Variants in ADGRL3 observed in about 807,000 individuals in gnomAD.
ADGRL3 encodes the protein adhesion G protein-coupled receptor L3.
A neutral mutation model predicts 153.5 loss-of-function variants in ADGRL3; 62 were observed. The ratio of observed to expected loss-of-function variants is 0.40; its 90% CI spans 0.33 to 0.50. ADGRL3 has a LOEUF of 0.50. ADGRL3 is among the 20% of genes least tolerant of loss of function. The pLI is 0.47. For synonymous variants in ADGRL3, 710 were observed against 672.5 expected, an observed-to-expected ratio of 1.06 and a Z score of -0.86; for missense variants, 1,641 against 1,859.4, an observed-to-expected ratio of 0.88 and a Z score of 2.16.
At chr4:61,645,411 C>T (rs2093926492) in intron 5 of ADGRL3, among the ~76,000 whole-genome samples, 1 of 150,798 alleles carries the variant, frequency 6.6e-6, no homozygotes, top group Non-Finnish European at 1.5e-5. Context: ...CATGATTTTG[C>T]AGCGGCTGGT....
chr4:61,711,320 A>G (rs1304557914), intron 6 of ADGRL3, among the ~76,000 whole-genome samples: 1 of 151,496 alleles, frequency 6.6e-6, no homozygotes, highest in Non-Finnish European at 1.5e-5. Flanking sequence ...TTAGTTTGCA[A>G]TGTGGAAATC....
At chr4:61,770,751 T>C (rs1467758806) in intron 8 of ADGRL3, among the ~76,000 whole-genome samples, 2 of 152,184 alleles carry the variant, frequency 1.3e-5, no homozygotes, top group Non-Finnish European at 2.9e-5. Context: ...GACCTACCTA[T>C]CAAATTACAT....
chr4:61,958,379 TTC>T, intron 17 of ADGRL3, among the ~76,000 whole-genome samples: 1 of 64,846 alleles, frequency 1.5e-5, no homozygotes. Flanking sequence ...TTGTAAAGGT[TTC>T]TTTCTTTCTT....
Position 62,070,092 on chromosome 4 carries a change from C to G in ADGRL3, c.3833-17C>G, listed in dbSNP as rs573603074. 1.2e-6 allele frequency: 2 copies of G among 1,601,406 alleles called. No individual in the cohort carries two copies. Among genetic ancestry groups the G allele is most frequent in the African/African-American group, 1.3e-5 (1 of 74,432 alleles). On this transcript the variant is annotated splice_polypyrimidine_tract_variant and intron_variant, in intron 26 of 26. Transcript: ENST00000683033. ...TTGTTGGATATAAATGTCATAGTAT[C>G]TTGTAATCTTTTTCAGAGGGGCTTC... is the stretch of plus-strand genomic sequence containing the variant.
chr4:61,693,721 G>A (rs933356534), intron 6 of ADGRL3, among the ~76,000 whole-genome samples: 13 of 152,246 alleles, frequency 8.5e-5, no homozygotes, highest in African/African-American at 3.1e-4. Flanking sequence ...GCAGTCAAAT[G>A]TCTATTTAAT....
intron 8 of ADGRL3, among the ~76,000 whole-genome samples, chr4:61,742,418 A>G (rs2096592751): frequency 6.6e-6 from 1 of 151,978 alleles, no homozygotes; most frequent in Non-Finnish European, 1.5e-5. Context: ...AGCTGGGACT[A>G]CAGGCGCCCG....
At chr4:62,026,164 TA>T (rs911502685) in intron 21 of ADGRL3, among the ~76,000 whole-genome samples, 15 of 152,124 alleles carry the variant, frequency 9.9e-5, no homozygotes, top group African/African-American at 3.6e-4. Context: ...CAAGCCACCG[TA>T]AAAAAATTCT....
chr4:62,019,328 C>T (rs1012791982), intron 21 of ADGRL3, among the ~76,000 whole-genome samples: 5 of 151,946 alleles, frequency 3.3e-5, no homozygotes, highest in Non-Finnish European at 5.9e-5. Context: ...GTCATGTAGT[C>T]ATATGCATAT....
chr4:61,443,253 A>G (rs2097546216), intron 2 of ADGRL3, among the ~76,000 whole-genome samples: 1 of 152,204 alleles, frequency 6.6e-6, no homozygotes, highest in South Asian at 2.1e-4. Flanking sequence ...CTTTGCAAAT[A>G]AATACTCTAT....
At chr4:61,545,298 C>T (rs2098708443) in intron 4 of ADGRL3, among the ~76,000 whole-genome samples, 2 of 152,120 alleles carry the variant, frequency 1.3e-5, no homozygotes, top group Non-Finnish European at 2.9e-5. Context: ...AGGGCCAACC[C>T]TGACAAACCT....
At chr4:61,402,300 A>C (rs2096938640) in intron 2 of ADGRL3, among the ~76,000 whole-genome samples, 1 of 152,128 alleles carries the variant, frequency 6.6e-6, no homozygotes, top group Non-Finnish European at 1.5e-5. Context: ...GCATGAGAAA[A>C]GTTAGTGCTT....
intron 4 of ADGRL3, among the ~76,000 whole-genome samples, chr4:61,579,887 T>C (rs921060005): frequency 6.6e-6 from 1 of 152,134 alleles, no homozygotes; most frequent in African/African-American, 2.4e-5. Flanking sequence ...ATATGTTCTT[T>C]TAAAGAAAGT....
chr4:62,058,421 T>G (rs1468594452), intron 25 of ADGRL3, among the ~76,000 whole-genome samples: 1 of 152,168 alleles, frequency 6.6e-6, no homozygotes, highest in African/African-American at 2.4e-5. Context: ...AACTTTGATT[T>G]AATGTTATGT....
At chr4:61,323,905 CTGA>C (rs1347889086) in intron 1 of ADGRL3, among the ~76,000 whole-genome samples, 1 of 152,132 alleles carries the variant, frequency 6.6e-6, no homozygotes, top group African/African-American at 2.4e-5. Flanking sequence ...TTTCACACTG[CTGA>C]TAAGACATAC....
At chr4:61,779,972 G>A (rs2152373747) in intron 8 of ADGRL3, among the ~76,000 whole-genome samples, 1 of 152,216 alleles carries the variant, frequency 6.6e-6, no homozygotes, top group Non-Finnish European at 1.5e-5. Flanking sequence ...TTGAAGTAAG[G>A]CCCTGGGTCA....
intron 2 of ADGRL3, among the ~76,000 whole-genome samples, chr4:61,482,525 T>G (rs1579106174): frequency 6.6e-6 from 1 of 152,150 alleles, no homozygotes. Context: ...TGAATTGTCC[T>G]TGTGAATCAC....
chr4:62,007,403 T>A lies in ADGRL3; in HGVS notation c.3395+9138T>A, dbSNP rs1253290980. Among the ~76,000 whole-genome samples, 10 of 81,154 alleles carry A rather than the reference T, an allele frequency of 1.2e-4. 1 individual carries two copies. The Admixed American group carries it at 1.3e-3, about 11-fold the overall frequency. The allele number at this position is 81,154 out of a possible 152,430, so 53.2% of individuals were successfully genotyped here. ...ATATATACACACACACACATATATA[T>A]ATACACGTATATATATATACACATA... On this transcript the variant is annotated intron_variant, in intron 21 of 26. Coordinates refer to ENST00000683033, the MANE Select transcript of ADGRL3 (RefSeq NM_001387552.1).
chr4:61,410,587 C>G (rs1560589024), intron 2 of ADGRL3, among the ~76,000 whole-genome samples: 1 of 152,166 alleles, frequency 6.6e-6, no homozygotes, highest in Non-Finnish European at 1.5e-5. Flanking sequence ...TAATTCAAGG[C>G]ATTGGCAGGG....
At chr4:61,249,757 G>A (rs778166510) in intron 1 of ADGRL3, among the ~76,000 whole-genome samples, 306 of 152,266 alleles carry the variant, frequency 2.0e-3, no homozygotes, top group Non-Finnish European at 3.8e-3. Context: ...TACTATGCAC[G>A]ATTAGCAGTC....
Sources: allele counts gnomAD v4.1 joint callset (sites outside exome capture counted in the v4.1 genomes callset), GRCh38; gene constraint gnomAD v4.1.1; transcripts MANE v1.5; gene names NCBI Gene and HGNC (gene_info 2026-07-23, HGNC 2026-07-21).